PLPP4: variants seen among roughly 807,000 people sequenced by gnomAD.
PLPP4 encodes phospholipid phosphatase 4.
PLPP4 carries 20 observed loss-of-function variants against 32.2 expected under a neutral mutation model. The ratio of observed to expected loss-of-function variants is 0.62; its 90% CI spans 0.44 to 0.90. The LOEUF is 0.90. Among genes scored for constraint, PLPP4 ranks in the 40% least tolerant of loss-of-function variants. The pLI is 0.00. For missense variants in PLPP4, 257 were observed against 353.1 expected (o/e 0.73, Z 2.18); for synonymous variants, 127 against 133.0 (o/e 0.95, Z 0.31).
At chr10:120,583,559 C>T (rs1849615290) in intron 6 of PLPP4, among the ~76,000 whole-genome samples, 1 of 152,186 alleles carries the variant, frequency 6.6e-6, no homozygotes, top group Non-Finnish European at 1.5e-5. Flanking sequence ...ACATTTTCAT[C>T]ACCCCAAAGA....
At chr10:120,491,542 C>T (rs1326185392) in intron 1 of PLPP4, among the ~76,000 whole-genome samples, 1 of 152,178 alleles carries the variant, frequency 6.6e-6, no homozygotes, top group Non-Finnish European at 1.5e-5. Context: ...CCATTGTCTT[C>T]ACTGAAATCT....
chr10:120,494,494 G>A (rs369000750), intron 1 of PLPP4, among the ~76,000 whole-genome samples: 2 of 152,310 alleles, frequency 1.3e-5, no homozygotes, highest in East Asian at 1.9e-4. Flanking sequence ...CATGACTCCC[G>A]GCTCTGCCTT....
intron 6 of PLPP4, among the ~76,000 whole-genome samples, chr10:120,576,398 G>A (rs142445804): frequency 4.0e-4 from 61 of 152,258 alleles, no homozygotes; most frequent in African/African-American, 1.1e-3. Context: ...TACCTTTTCC[G>A]GGGGTTTGTT....
intron 1 of PLPP4, among the ~76,000 whole-genome samples, chr10:120,500,167 T>C (rs1450950204): frequency 6.6e-6 from 1 of 152,102 alleles, no homozygotes; most frequent in Admixed American, 6.5e-5. Flanking sequence ...GAGTGAGGGA[T>C]TGTGCAAAAG....
chr10:120,566,646 C>A (rs780012638), intron 5 of PLPP4, among the ~76,000 whole-genome samples: 6 of 151,976 alleles, frequency 3.9e-5, no homozygotes, highest in African/African-American at 4.8e-5. Context: ...CCTCCACCTC[C>A]CGAGTTCAAG....
chr10:120,557,846 C>A (rs1342389340), intron 5 of PLPP4, among the ~76,000 whole-genome samples: 1 of 152,120 alleles, frequency 6.6e-6, no homozygotes, highest in African/African-American at 2.4e-5. Flanking sequence ...GGCTGCATAA[C>A]TCTTGTTATA....
chr10:120,538,052 C>CTCTGTGTGTGTG (rs1847142984), intron 5 of PLPP4, among the ~76,000 whole-genome samples: 1 of 18,988 alleles, frequency 5.3e-5, no homozygotes. Context: ...CTCTCTCTCT[C>CTCTGTGTGTGTG]TGTGTGTGTG....
rs139801163 is a variant in PLPP4, at chr10:120,527,404, T to C, written c.445+6309T>C. Among the ~76,000 whole-genome samples, 931 of 152,318 alleles carry C rather than the reference T, an allele frequency of 6.1e-3. 7 individuals carry two copies. The highest frequency in any genetic ancestry group is 0.011 in the Non-Finnish European group (736 of 68,036). On this transcript the variant is annotated intron_variant, in intron 5 of 6. Coordinates refer to ENST00000398250, the MANE Select transcript of PLPP4 (RefSeq NM_001030059.3). ...TTTACTCTTAAGGCCTTCAACTGAT[T>C]GGATGAGGCCCCTCACATTATATAA...
At chr10:120,578,885 T>C (rs1296578037) in intron 6 of PLPP4, among the ~76,000 whole-genome samples, 2 of 152,236 alleles carry the variant, frequency 1.3e-5, no homozygotes, top group African/African-American at 4.8e-5. Context: ...TGATGCTAAC[T>C]ACAAAGCCCA....
At chr10:120,493,786 CT>C (rs1460524603) in intron 1 of PLPP4, among the ~76,000 whole-genome samples, 1 of 152,138 alleles carries the variant, frequency 6.6e-6, no homozygotes, top group Non-Finnish European at 1.5e-5. Flanking sequence ...ATACATGACA[CT>C]CAACACTGGG....
intron 1 of PLPP4, among the ~76,000 whole-genome samples, chr10:120,473,876 G>A (rs1455895172): frequency 6.6e-6 from 1 of 152,178 alleles, no homozygotes; most frequent in Non-Finnish European, 1.5e-5. Context: ...TCCCTGTACA[G>A]TGGAACCATG....
At position 120,566,835 on chromosome 10, in the gene PLPP4, G is replaced by C. The variant is rs187106303; in HGVS notation, c.446-8296G>C. On this transcript the variant is annotated intron_variant, in intron 5 of 6. Coordinates refer to ENST00000398250, the MANE Select transcript of PLPP4 (RefSeq NM_001030059.3). ...CTCCCAAAGTGCTGGGATTACAGGC[G>C]TGAGCCACGGCACCTGGCCTTTTCC... Among the ~76,000 whole-genome samples, 313 of 152,310 alleles carry C rather than the reference G, an allele frequency of 2.1e-3. 2 individuals carry two copies. Among genetic ancestry groups the C allele is most frequent in the East Asian group, 4.4e-3 (23 of 5,182 alleles).
chr10:120,557,450 T>G (rs1306633191), intron 5 of PLPP4, among the ~76,000 whole-genome samples: 1 of 152,202 alleles, frequency 6.6e-6, no homozygotes, highest in East Asian at 1.9e-4. Flanking sequence ...TATTCTACTC[T>G]GAACCTCCAA....
chr10:120,483,717 G>T (rs1438706236), intron 1 of PLPP4, among the ~76,000 whole-genome samples: 1 of 152,180 alleles, frequency 6.6e-6, no homozygotes, highest in African/African-American at 2.4e-5. Flanking sequence ...TGGGGATGGG[G>T]TGAGTTCTCA....
intron 3 of PLPP4, among the ~76,000 whole-genome samples, chr10:120,517,626 G>T (rs1196954888): frequency 2.0e-5 from 3 of 152,134 alleles, no homozygotes; most frequent in African/African-American, 7.2e-5. Flanking sequence ...ATGGCCAGTT[G>T]CCCCCATCTC....
At chr10:120,540,188 G>A (rs1847272745) in intron 5 of PLPP4, among the ~76,000 whole-genome samples, 1 of 152,020 alleles carries the variant, frequency 6.6e-6, no homozygotes, top group Non-Finnish European at 1.5e-5. Flanking sequence ...AGAGAGCAAG[G>A]GAGCCAAATG....
Position 120,560,660 on chromosome 10 carries a change from C to T in PLPP4, c.446-14471C>T, listed in dbSNP as rs182091687. 1.3e-4 allele frequency among the ~76,000 whole-genome samples: 20 copies of T among 152,224 alleles called. No homozygotes were observed. In the East Asian group the frequency reaches 3.7e-3, roughly 28 times the overall value. On this transcript the variant is annotated intron_variant, in intron 5 of 6. Coordinates refer to ENST00000398250, the MANE Select transcript of PLPP4 (RefSeq NM_001030059.3). ...ATCCCAGCTACTCAGGAGGCTGAGG[C>T]AGGAGAATCATTTGAACCCATGAGG...
At chr10:120,466,226 T>A (rs1266367334) in intron 1 of PLPP4, among the ~76,000 whole-genome samples, 1 of 152,090 alleles carries the variant, frequency 6.6e-6, no homozygotes, top group Non-Finnish European at 1.5e-5. Flanking sequence ...TGGGTCCCAT[T>A]CTGCAGGCAG....
intron 5 of PLPP4, among the ~76,000 whole-genome samples, chr10:120,537,549 G>A (rs561334938): frequency 6.6e-6 from 1 of 152,266 alleles, no homozygotes; most frequent in East Asian, 1.9e-4. Context: ...TGGGGTTGGG[G>A]AAAATGGGGA....
Sources: allele counts gnomAD v4.1 joint callset (sites outside exome capture counted in the v4.1 genomes callset), GRCh38; gene constraint gnomAD v4.1.1; transcripts MANE v1.5; gene names NCBI Gene and HGNC (gene_info 2026-07-23, HGNC 2026-07-21).